The following MAP2K5 variants were observed in gnomAD, a reference collection of about 807,000 sequenced individuals.
MAP2K5 encodes the protein mitogen-activated protein kinase kinase 5.
MAP2K5 carries 49 observed loss-of-function variants against 83.1 expected under a neutral mutation model. The ratio of observed to expected loss-of-function variants is 0.59; its 90% CI spans 0.47 to 0.75. MAP2K5 has a LOEUF of 0.75. Ranked by LOEUF, MAP2K5 falls within the 30% of genes least tolerant of loss-of-function variation. The pLI is 0.00. For missense variants in MAP2K5, 457 were observed against 557.5 expected, an observed-to-expected ratio of 0.82 and a Z score of 1.82; for synonymous variants, 202 against 191.8, an observed-to-expected ratio of 1.05 and a Z score of -0.44.
Position 67,724,630 on chromosome 15 carries a change from C to T in MAP2K5, c.1045-3286C>T, listed in dbSNP as rs2089048327. Among the ~76,000 whole-genome samples the T allele has an allele frequency of 6.6e-6, 1 of 152,160 alleles. No homozygotes were observed. Among genetic ancestry groups the T allele is most frequent in the Admixed American group, 6.5e-5 (1 of 15,278 alleles). ...AAACCATTTTCTTTTTTACCTCCTCCCAATAGAACTTGATAAAAAGAGTTC... is the reference window on the plus strand; with the variant it reads ...AAACCATTTTCTTTTTTACCTCCTCTCAATAGAACTTGATAAAAAGAGTTC... On this transcript the variant is annotated intron_variant, in intron 16 of 21. Transcript: ENST00000178640. This position sits in a 1 kb window ranked among gnomAD's most constrained non-coding sequence, Gnocchi z 4.4.
intron 17 of MAP2K5, among the ~76,000 whole-genome samples, chr15:67,739,382 A>T (rs1243530630): frequency 7.1e-6 from 1 of 141,624 alleles, no homozygotes; most frequent in Non-Finnish European, 1.5e-5. Context: ...TTTACAGTCA[A>T]GCCAGTAAGA....
chr15:67,712,362 A>G (rs1257282624), intron 16 of MAP2K5, among the ~76,000 whole-genome samples: 1 of 152,220 alleles, frequency 6.6e-6, no homozygotes, highest in East Asian at 1.9e-4. Context: ...CCATGAGCAC[A>G]GTTTCCAGTG....
chr15:67,711,237 G>A (rs924647596), intron 16 of MAP2K5, among the ~76,000 whole-genome samples: 1 of 152,148 alleles, frequency 6.6e-6, no homozygotes, highest in African/African-American at 2.4e-5. Flanking sequence ...TTTTAAAGCA[G>A]TTTCAGAAAA....
intron 1 of MAP2K5, chr15:67,546,697 G>T (rs765851652): frequency 1.6e-4 from 120 of 736,824 alleles, no homozygotes; most frequent in Non-Finnish European, 1.9e-4. Flanking sequence ...AGTGTGTGAT[G>T]AGAGAGAATG....
At chr15:67,772,532 TAAGTA>T (rs1360938890) in intron 20 of MAP2K5, among the ~76,000 whole-genome samples, 170 bp from the exon 21 acceptor site, 17 of 152,324 alleles carry the variant, frequency 1.1e-4, no homozygotes, top group African/African-American at 3.6e-4. Flanking sequence ...GAAATCTGAC[TAAGTA>T]AAGACCAAAA....
In MAP2K5 at chr15:67,757,894, AG is replaced by A. The variant is rs901803679; in HGVS notation, c.1134+9296del. Among the ~76,000 whole-genome samples the A allele has an allele frequency of 6.6e-6, 1 of 152,182 alleles. No individual in the cohort carries two copies. Among genetic ancestry groups the A allele is most frequent in the African/African-American group, 2.4e-5 (1 of 41,444 alleles). The stretch of plus-strand genomic sequence containing the variant: ...CTCAGTGGAGGAGATGGGGGCTACC[AG>A]GGAAGCTCTGCAGAGGAGAGGAGAC... On this transcript the variant is annotated intron_variant, in intron 19 of 21. Coordinates refer to ENST00000178640, the MANE Select transcript of MAP2K5 (RefSeq NM_145160.3). The surrounding 1 kb of genome is among the most constrained non-coding windows in gnomAD (Gnocchi z 4.9).
intron 4 of MAP2K5, among the ~76,000 whole-genome samples, chr15:67,584,865 T>G (rs1034496021): frequency 1.3e-5 from 2 of 151,474 alleles, no homozygotes; most frequent in African/African-American, 4.9e-5. Flanking sequence ...CCCAGCTAAT[T>G]TTTTGTATTT....
At chr15:67,576,657 G>T (rs1364487415) in intron 3 of MAP2K5, among the ~76,000 whole-genome samples, 2 of 147,382 alleles carry the variant, frequency 1.4e-5, no homozygotes, top group African/African-American at 4.9e-5. Flanking sequence ...GCATGTAACG[G>T]ATTATGCAAG....
chr15:67,618,031 G>T (rs376643653), intron 8 of MAP2K5, among the ~76,000 whole-genome samples: 3 of 152,234 alleles, frequency 2.0e-5, no homozygotes, highest in Non-Finnish European at 2.9e-5. Context: ...TAGAAATTCA[G>T]TTTATTCTTT....
chr15:67,711,172 G>A (rs1053248898), intron 16 of MAP2K5, among the ~76,000 whole-genome samples: 1 of 152,200 alleles, frequency 6.6e-6, no homozygotes, highest in Non-Finnish European at 1.5e-5. Flanking sequence ...CATTGCCCTA[G>A]TGGGCACTCA....
At chr15:67,633,688 C>G (rs1012298220) in intron 9 of MAP2K5, among the ~76,000 whole-genome samples, 10 of 152,156 alleles carry the variant, frequency 6.6e-5, no homozygotes, top group African/African-American at 2.4e-4. Flanking sequence ...CACTTTGTAT[C>G]TCTAGATTCT....
intron 3 of MAP2K5, among the ~76,000 whole-genome samples, chr15:67,564,507 A>C (rs2084800881): frequency 6.6e-6 from 1 of 152,178 alleles, no homozygotes; most frequent in Non-Finnish European, 1.5e-5. Flanking sequence ...TTCTGCCAAT[A>C]GTTTTAATTT....
rs1488145973 is a variant in MAP2K5, at chr15:67,587,123, C to T, written c.431+210C>T. Among the ~76,000 whole-genome samples, 1 of 151,990 alleles carries T rather than the reference C, an allele frequency of 6.6e-6. No homozygotes were observed. The highest frequency in any genetic ancestry group is 6.6e-5 in the Admixed American group (1 of 15,266). ...GGGGAGAGTGACGTTTCTGTTTTGA[C>T]CTGAAGAAGCAGAGAAGGGCGTTTC... On this transcript the variant is annotated intron_variant, in intron 6 of 21. Transcript: ENST00000178640. The surrounding 1 kb of genome is among the most constrained non-coding windows in gnomAD (Gnocchi z 4.8).
chr15:67,547,443 GTTTTCTT>G (rs2084417210), intron 1 of MAP2K5, among the ~76,000 whole-genome samples: 1 of 146,602 alleles, frequency 6.8e-6, no homozygotes, highest in African/African-American at 2.5e-5. Context: ...GTAAACTTCG[GTTTTCTT>G]TTTTCTTTTT....
intron 21 of MAP2K5, among the ~76,000 whole-genome samples, chr15:67,795,525 A>G (rs1410767335): frequency 1.3e-5 from 2 of 152,164 alleles, no homozygotes; most frequent in African/African-American, 2.4e-5. Flanking sequence ...GTAGTGAAAG[A>G]TGTTTTGTTA....
chr15:67,691,754 T>G (rs1362193491), intron 13 of MAP2K5, among the ~76,000 whole-genome samples: 1 of 152,226 alleles, frequency 6.6e-6, no homozygotes, highest in Non-Finnish European at 1.5e-5. Context: ...AAATCCTTTG[T>G]GTCATTACTT....
chr15:67,755,675 G>A lies in MAP2K5; in HGVS notation c.1134+7074G>A, dbSNP rs1193595964. Among the ~76,000 whole-genome samples the A allele has an allele frequency of 1.3e-5, 2 of 152,158 alleles. No individual in the cohort carries two copies. Among genetic ancestry groups the A allele is most frequent in the South Asian group, 2.1e-4 (1 of 4,822 alleles). The stretch of plus-strand genomic sequence containing the variant: ...CTTTTTAGTACCACCATAATGATGT[G>A]CATATGCCAGCCAGACAGATAAGTA... On this transcript the variant is annotated intron_variant, in intron 19 of 21. Coordinates refer to ENST00000178640, the MANE Select transcript of MAP2K5 (RefSeq NM_145160.3). The surrounding 1 kb of genome is among the most constrained non-coding windows in gnomAD (Gnocchi z 4.7).
chr15:67,597,183 A>G (rs1418739045), intron 7 of MAP2K5, among the ~76,000 whole-genome samples: 1 of 138,744 alleles, frequency 7.2e-6, no homozygotes, highest in Non-Finnish European at 1.6e-5. Flanking sequence ...AAGAAAAAAA[A>G]AAGAAAAAAA....
intron 16 of MAP2K5, among the ~76,000 whole-genome samples, chr15:67,711,855 G>A (rs1341653767): frequency 6.6e-6 from 1 of 152,260 alleles, no homozygotes; most frequent in African/African-American, 2.4e-5. Flanking sequence ...GACGAGATAT[G>A]TGGAGCCAGG....
Sources: allele counts gnomAD v4.1 joint callset (sites outside exome capture counted in the v4.1 genomes callset), GRCh38; gene constraint gnomAD v4.1.1; non-coding constraint Gnocchi (gnomAD v3.1); transcripts MANE v1.5; gene names NCBI Gene and HGNC (gene_info 2026-07-23, HGNC 2026-07-21).